C1QTNF7: variants seen among roughly 807,000 people sequenced by gnomAD.
C1QTNF7 encodes C1q and TNF related 7, also known as complement C1q tumor necrosis factor-related protein 7.
C1QTNF7 carries 15 observed loss-of-function variants against 19.6 expected under a neutral mutation model. The ratio of observed to expected loss-of-function variants is 0.76; its 90% CI spans 0.51 to 1.18. The LOEUF is 1.18. C1QTNF7 is among the 50% of genes most tolerant of loss of function. The probability of loss-of-function intolerance (pLI) is 0.00; values close to 1 mark genes in which losing one functional copy is unlikely to be tolerated. For missense variants in C1QTNF7, 324 were observed against 359.7 expected (o/e 0.90, Z 0.80); for synonymous variants, 142 against 137.5 (o/e 1.03, Z -0.23).
intron 1 of C1QTNF7, among the ~76,000 whole-genome samples, chr4:15,370,489 T>G (rs1717682024): frequency 6.6e-6 from 1 of 152,210 alleles, no homozygotes; most frequent in Admixed American, 6.5e-5. Flanking sequence ...TACAAGTGAT[T>G]CTGGGAAATG....
chr4:15,340,934 A>G (rs995558170), intron 1 of C1QTNF7, among the ~76,000 whole-genome samples: 1 of 152,146 alleles, frequency 6.6e-6, no homozygotes, highest in African/African-American at 2.4e-5. Context: ...TTTTCTGTGC[A>G]TTGGTCACTT....
intron 1 of C1QTNF7, among the ~76,000 whole-genome samples, chr4:15,435,278 C>G (rs931683560): frequency 6.6e-6 from 1 of 152,130 alleles, no homozygotes; most frequent in African/African-American, 2.4e-5. Flanking sequence ...GGCATGGTAT[C>G]ACTTTCTCCA....
At chr4:15,389,140 G>A (rs1270295670) in intron 1 of C1QTNF7, among the ~76,000 whole-genome samples, 2 of 152,182 alleles carry the variant, frequency 1.3e-5, no homozygotes, top group Non-Finnish European at 2.9e-5. Context: ...GAGTTTTAAG[G>A]GGCAGTAGGG....
chr4:15,431,694 C>G (rs116793254), intron 1 of C1QTNF7, among the ~76,000 whole-genome samples: 5 of 152,078 alleles, frequency 3.3e-5, no homozygotes, highest in Admixed American at 1.3e-4. Context: ...CCCCACAAAG[C>G]TCAAACCTCC....
At chr4:15,348,407 C>T (rs978906026) in intron 1 of C1QTNF7, among the ~76,000 whole-genome samples, 71 of 152,140 alleles carry the variant, frequency 4.7e-4, no homozygotes, top group African/African-American at 1.6e-3. Flanking sequence ...TTTGTACTTG[C>T]CATTTGCTCA....
chr4:15,345,810 T>C (rs1303371574), intron 1 of C1QTNF7, among the ~76,000 whole-genome samples: 10 of 152,232 alleles, frequency 6.6e-5, no homozygotes, highest in Admixed American at 6.5e-4. Flanking sequence ...AGTGTCTTTT[T>C]GTTAAGTGCC....
At position 15,442,232 on chromosome 4, in the gene C1QTNF7, GA is replaced by G; in HGVS notation, c.305del (p.Lys102ArgfsTer5). On this transcript the variant is annotated frameshift_variant, in exon 3 of 3. Coordinates refer to ENST00000444304, the MANE Select transcript of C1QTNF7 (RefSeq NM_031911.5). LOFTEE classifies it high-confidence loss of function. ...GEKGDQGETG[K>X]KGPIGPEGEK... is the part of the protein sequence containing the mutation. ...AGAAAGGGGACCAAGGAGAGACTGG[GA>G]AGAAAGGACCCATAGGACCAGAGGG... The G allele has an allele frequency of 6.2e-7, 1 of 1,614,068 alleles. No homozygotes were observed. Among genetic ancestry groups the G allele is most frequent in the Non-Finnish European group, 8.5e-7 (1 of 1,180,016 alleles).
chr4:15,391,072 G>A (rs1718539330), intron 1 of C1QTNF7, among the ~76,000 whole-genome samples: 2 of 151,964 alleles, frequency 1.3e-5, no homozygotes, highest in Admixed American at 6.6e-5. Flanking sequence ...ATTAAAGTCT[G>A]GGGGTAGATC....
At chr4:15,343,613 G>T (rs1716621393) in intron 1 of C1QTNF7, among the ~76,000 whole-genome samples, 1 of 152,100 alleles carries the variant, frequency 6.6e-6, no homozygotes, top group Non-Finnish European at 1.5e-5. Flanking sequence ...TAACTTCAAT[G>T]AGCTACCAAT....
intron 1 of C1QTNF7, among the ~76,000 whole-genome samples, chr4:15,377,944 A>G (rs1464226495): frequency 6.6e-6 from 1 of 152,198 alleles, no homozygotes; most frequent in Non-Finnish European, 1.5e-5. Flanking sequence ...CTGAGGACTT[A>G]TATGTCCTAA....
At chr4:15,426,889 C>T (rs1472738918), upstream of C1QTNF7, among the ~76,000 whole-genome samples, 1 of 152,002 alleles carries the variant, frequency 6.6e-6, no homozygotes, top group Non-Finnish European at 1.5e-5. Flanking sequence ...TATGAGAAAC[C>T]CTGGAAATAA....
chr4:15,391,493 G>A (rs1362909796), intron 1 of C1QTNF7, among the ~76,000 whole-genome samples: 1 of 152,178 alleles, frequency 6.6e-6, no homozygotes, highest in African/African-American at 2.4e-5. Context: ...AGGGAATTGA[G>A]TGTTGGGTAA....
intron 1 of C1QTNF7, among the ~76,000 whole-genome samples, chr4:15,356,943 G>GTTT (rs199653260): frequency 1.6e-5 from 2 of 126,780 alleles, no homozygotes; most frequent in Non-Finnish European, 3.4e-5. Flanking sequence ...TGATAAAGTT[G>GTTT]TTTTTTTTTT....
At chr4:15,377,334 C>T (rs1378641882) in intron 1 of C1QTNF7, among the ~76,000 whole-genome samples, 5 of 152,174 alleles carry the variant, frequency 3.3e-5, no homozygotes, top group Non-Finnish European at 2.9e-5. Flanking sequence ...CTTTCTTCAA[C>T]TTTTGGCCCA....
chr4:15,342,512 C>T (rs888097948), intron 1 of C1QTNF7, among the ~76,000 whole-genome samples: 1 of 152,204 alleles, frequency 6.6e-6, no homozygotes, highest in East Asian at 1.9e-4. Flanking sequence ...GGAAAGATGG[C>T]AGGAACACAG....
chr4:15,353,875 T>C (rs1441945390), intron 1 of C1QTNF7, among the ~76,000 whole-genome samples: 2 of 152,134 alleles, frequency 1.3e-5, no homozygotes, highest in Admixed American at 6.6e-5. Flanking sequence ...AATGAACTTA[T>C]GAATCTTAAA....
chr4:15,405,131 G>C (rs1719145135), intron 1 of C1QTNF7, among the ~76,000 whole-genome samples: 1 of 152,118 alleles, frequency 6.6e-6, no homozygotes, highest in Non-Finnish European at 1.5e-5. Flanking sequence ...AAGTCAGGGG[G>C]TCCCTGGCAC....
intron 1 of C1QTNF7, among the ~76,000 whole-genome samples, chr4:15,364,343 A>G (rs1717439032): frequency 6.6e-6 from 1 of 152,228 alleles, no homozygotes; most frequent in Non-Finnish European, 1.5e-5. Context: ...ATCATTTACC[A>G]GCTGTGTGAT....
chr4:15,401,017 G>T (rs1381593319), intron 1 of C1QTNF7, among the ~76,000 whole-genome samples: 2 of 152,152 alleles, frequency 1.3e-5, no homozygotes, highest in Non-Finnish European at 2.9e-5. Context: ...GAGGAAGGGT[G>T]ATCCTGCCAA....
Sources: allele counts gnomAD v4.1 joint callset (sites outside exome capture counted in the v4.1 genomes callset), GRCh38; gene constraint gnomAD v4.1.1; transcripts MANE v1.5; gene names NCBI Gene and HGNC (gene_info 2026-07-23, HGNC 2026-07-21).